Variants in ODAD1 observed in about 807,000 individuals in gnomAD.
ODAD1 encodes the protein outer dynein arm-docking complex subunit 1.
A neutral mutation model predicts 67.2 loss-of-function variants in ODAD1; 49 were observed. That is an observed-to-expected ratio of 0.73 (90% CI 0.58 to 0.92). ODAD1 has a LOEUF of 0.92. Ranked by LOEUF, ODAD1 falls within the 40% of genes least tolerant of loss-of-function variation. The probability of loss-of-function intolerance (pLI) is 0.00; values close to 1 mark genes in which losing one functional copy is unlikely to be tolerated. For missense variants in ODAD1, 897 were observed against 953.7 expected (o/e 0.94, Z 0.78); for synonymous variants, 345 against 393.7 (o/e 0.88, Z 1.46).
chr19:48,302,202 A>C (rs1214086457), intron 12 of ODAD1, among the ~76,000 whole-genome samples: 2 of 150,218 alleles, frequency 1.3e-5, no homozygotes, highest in Non-Finnish European at 3.0e-5. Flanking sequence ...GACCCTGGAT[A>C]GATAGATGGA....
intron 3 of ODAD1, chr19:48,319,868 G>A (rs933595929): frequency 1.3e-4 from 22 of 168,812 alleles, no homozygotes; most frequent in Non-Finnish European, 2.7e-4. Flanking sequence ...GGAGAAGGGA[G>A]GGGGCTACTG....
chr19:48,314,820 A>C (rs1419627668), intron 5 of ODAD1, among the ~76,000 whole-genome samples: 2 of 151,972 alleles, frequency 1.3e-5, no homozygotes, highest in Non-Finnish European at 2.9e-5. Flanking sequence ...ACGTGACTGT[A>C]ATCCCAGCTA....
chr19:48,305,798 T>C (rs1481063925), intron 8 of ODAD1, among the ~76,000 whole-genome samples: 2 of 151,732 alleles, frequency 1.3e-5, no homozygotes, highest in Admixed American at 6.6e-5. Flanking sequence ...CAATGGCTCA[T>C]GCCTGTAATC....
At chr19:48,298,632 G>A (rs1293815527) in intron 12 of ODAD1, among the ~76,000 whole-genome samples, 1 of 152,130 alleles carries the variant, frequency 6.6e-6, no homozygotes, top group South Asian at 2.1e-4. Context: ...CAGTGGTGAG[G>A]GGCCTGCACT....
At chr19:48,313,800 T>C (rs1362599137) in intron 5 of ODAD1, among the ~76,000 whole-genome samples, 2 of 151,956 alleles carry the variant, frequency 1.3e-5, no homozygotes, top group Non-Finnish European at 2.9e-5. Context: ...GGCAGATCCC[T>C]TGAGACAAGG....
intron 7 of ODAD1, among the ~76,000 whole-genome samples, chr19:48,310,157 C>A (rs1234291229): frequency 6.6e-6 from 1 of 152,052 alleles, no homozygotes; most frequent in African/African-American, 2.4e-5. Context: ...TCACTTGAAC[C>A]CGGGAGGTGG....
intron 5 of ODAD1, among the ~76,000 whole-genome samples, chr19:48,313,426 C>CAAAAAAAAAAAAAAAAAAAACAAAAAA (rs1968818393): frequency 3.3e-5 from 1 of 30,040 alleles, no homozygotes; most frequent in Non-Finnish European, 6.7e-5. Flanking sequence ...GACTCCATCT[C>CAAAAAAAAAAAAAAAAAAAACAAAAAA]AAAAAAAAAA....
intron 5 of ODAD1, among the ~76,000 whole-genome samples, chr19:48,316,939 C>T (rs1968913754): frequency 6.6e-6 from 1 of 151,964 alleles, no homozygotes; most frequent in Admixed American, 6.6e-5. Flanking sequence ...GTGGAGGTTG[C>T]AGTGAGCCAA....
intron 9 of ODAD1, 49 bp from the exon 10 acceptor site, chr19:48,303,833 C>T: frequency 6.3e-7 from 1 of 1,581,494 alleles, no homozygotes; most frequent in Non-Finnish European, 8.6e-7. Context: ...GCCTCCAACA[C>T]AGAGACCTCC....
rs748335075 is a variant in ODAD1 at position 48,298,337 on chromosome 19, A to T, written c.1244T>A (p.Ile415Asn). 9.3e-6 allele frequency: 15 copies of T among 1,613,994 alleles called. No individual in the cohort carries two copies. Among genetic ancestry groups the T allele is most frequent in the Non-Finnish European group, 9.3e-6 (11 of 1,179,958 alleles). Residue 415 changes from isoleucine (I) to asparagine (N), a missense_variant, in exon 13 of 16, where the codon ATC becomes AAC. Ile to Asn is a moderately radical substitution (Grantham distance 149, BLOSUM62 -3). Coordinates refer to ENST00000674294, the MANE Select transcript of ODAD1 (RefSeq NM_001364171.2). ...ATGGGCCTTGGTGAAGAGGAGCTGG[A>T]TATCTGCGTCATGGAGGGCCGGTTG... ...RGQLEKLKAD[I>N]QLLFTKAHCD...
rs760854519 is a variant in ODAD1, at chr19:48,304,084, GCCT to G, written c.719_721del (p.Glu240del). ...GACCTGCGCCTCCATCTCGCTCTGG[GCCT>G]CCTCTTTCTCCGCGCGCTCCCGCAG... On this transcript the variant is annotated inframe_deletion, in exon 9 of 16. Transcript: ENST00000674294. 167 of 1,613,906 alleles carry G rather than the reference GCCT, an allele frequency of 1.0e-4. 1 individual carries two copies. Among genetic ancestry groups the G allele is most frequent in the Non-Finnish European group, 1.3e-4 (152 of 1,179,952 alleles).
chr19:48,307,811 A>G (rs1968652088), intron 7 of ODAD1, among the ~76,000 whole-genome samples: 2 of 145,374 alleles, frequency 1.4e-5, no homozygotes, highest in African/African-American at 5.2e-5. Flanking sequence ...TGACAAAGCG[A>G]GACTCCGTCT....
In ODAD1 at chr19:48,297,484, T is replaced by A; in HGVS notation, c.1616A>T (p.Gln539Leu). ...ELQEQAEAQR[Q>L]KDLAAAAAKL... ...CGCGGCGGCGGCGGCCAGGTCCTTC[T>A]GGCGCTGCGCCTCCGCCTGCTCCTG... Residue 539 changes from glutamine to leucine, a missense_variant, in exon 16 of 16, where the codon CAG (glutamine) becomes CTG (leucine). By Grantham distance (113) the Gln-to-Leu change is moderately radical. Coordinates refer to ENST00000674294, the MANE Select transcript of ODAD1 (RefSeq NM_001364171.2). 1 of 1,603,310 alleles carries A rather than the reference T, an allele frequency of 6.2e-7. No individual in the cohort carries two copies.
At chr19:48,300,881 C>A (rs1023301427) in intron 12 of ODAD1, 7 of 152,262 alleles carry the variant, frequency 4.6e-5, no homozygotes, top group African/African-American at 1.7e-4. Context: ...AATCCCAGCA[C>A]TTTGGGAGGC....
At position 48,320,374 on chromosome 19, in the gene ODAD1, C is replaced by A. The variant is rs570669767; in HGVS notation, c.-6G>T. 49 of 1,288,120 alleles carry A rather than the reference C, an allele frequency of 3.8e-5. No individual in the cohort carries two copies. The Middle Eastern group carries it at 1.1e-3, about 29-fold the overall frequency. 79.8% of individuals were successfully genotyped at this position (1,288,120 alleles called of 1,614,324 possible). On this transcript the variant is annotated 5_prime_UTR_variant, in exon 3 of 16. Transcript: ENST00000674294. ...GCCAAGCGTCCCAAAGGCATCCTGG[C>A]CAAACAGGGTGGGGCTCCTGTAGGG...
rs185599603 is a variant in ODAD1, at chr19:48,310,027, G to A, written c.597+1526C>T. ...AGGCGGGTGGAACACCTTAGGTCAG[G>A]AGTTTGAGATCAGCCTGACCAACAT... On this transcript the variant is annotated intron_variant, in intron 7 of 15. Transcript: ENST00000674294. Among the ~76,000 whole-genome samples the A allele has an allele frequency of 5.9e-5, 9 of 152,298 alleles. No individual in the cohort carries two copies. In the East Asian group the frequency reaches 1.5e-3, roughly 26 times the overall value.
intron 12 of ODAD1, among the ~76,000 whole-genome samples, chr19:48,298,790 C>A (rs1968377515): frequency 6.6e-6 from 1 of 152,218 alleles, no homozygotes; most frequent in Non-Finnish European, 1.5e-5. Flanking sequence ...GCCTGGGCGT[C>A]CTCTGTCCTA....
intron 7 of ODAD1, 63 bp downstream of exon 7, chr19:48,311,490 C>G: frequency 1.1e-6 from 1 of 927,258 alleles, no homozygotes; most frequent in South Asian, 1.4e-5. Context: ...GAAGGGCAAA[C>G]AGCTGTGGGG....
At chr19:48,321,602 G>C (rs1314282788) in intron 1 of ODAD1, 76 bp downstream of exon 1, 1 of 371,538 alleles carries the variant, frequency 2.7e-6, no homozygotes, top group Non-Finnish European at 4.8e-6. Context: ...GGCTAATCGG[G>C]AGGCGCTCAG....
Sources: allele counts gnomAD v4.1 joint callset (sites outside exome capture counted in the v4.1 genomes callset), GRCh38; gene constraint gnomAD v4.1.1; transcripts MANE v1.5; gene names NCBI Gene and HGNC (gene_info 2026-07-23, HGNC 2026-07-21).